Variants in PDE7B observed in about 807,000 individuals in gnomAD.
The protein encoded by PDE7B is 3',5'-cyclic-AMP phosphodiesterase 7B.
Under a neutral mutation model 56.2 loss-of-function variants are expected in PDE7B, and 29 were observed. That is an observed-to-expected ratio of 0.52 (90% CI 0.38 to 0.70). The LOEUF is 0.70. Among genes scored for constraint, PDE7B ranks in the 30% least tolerant of loss-of-function variants. PDE7B has a pLI of 0.00. For synonymous variants in PDE7B, 197 were observed against 196.9 expected (o/e 1.00, Z 0.00); for missense variants, 490 against 565.0 (o/e 0.87, Z 1.35).
intron 2 of PDE7B, among the ~76,000 whole-genome samples, chr6:136,019,197 C>T (rs1475430589): frequency 1.3e-5 from 2 of 151,988 alleles, no homozygotes; most frequent in African/African-American, 4.8e-5. Context: ...ATTGTTCAAC[C>T]AAGCAAGATT....
At chr6:136,025,405 G>A (rs1404094866) in intron 2 of PDE7B, among the ~76,000 whole-genome samples, 7 of 152,150 alleles carry the variant, frequency 4.6e-5, no homozygotes, top group Non-Finnish European at 1.0e-4. Context: ...AGGTTTAGTA[G>A]GTCAAAGATT....
intron 1 of PDE7B, among the ~76,000 whole-genome samples, chr6:135,884,580 A>G (rs1048535519): frequency 8.5e-5 from 13 of 152,146 alleles, no homozygotes; most frequent in African/African-American, 3.1e-4. Flanking sequence ...ACCAAATCCC[A>G]TAACACTTGC....
At chr6:136,191,477 G>A (rs1020212976) in intron 12 of PDE7B, 137 bp from the exon 13 acceptor site, 1 of 728,790 alleles carries the variant, frequency 1.4e-6, no homozygotes, top group Admixed American at 2.4e-5. Context: ...GGCCAACCTG[G>A]CCAACATGGG....
intron 2 of PDE7B, among the ~76,000 whole-genome samples, chr6:135,962,777 CCT>C (rs1774929176): frequency 6.6e-6 from 1 of 152,142 alleles, no homozygotes; most frequent in South Asian, 2.1e-4. Context: ...TTTTATTAAA[CCT>C]CTCTCACAAA....
intron 3 of PDE7B, among the ~76,000 whole-genome samples, chr6:136,138,148 A>C (rs1326187704): frequency 6.6e-6 from 1 of 152,138 alleles, no homozygotes; most frequent in African/African-American, 2.4e-5. Context: ...CACTGTTAAC[A>C]TTCCCCAGAT....
At chr6:135,882,468 C>G (rs1031360283) in intron 1 of PDE7B, among the ~76,000 whole-genome samples, 6 of 152,120 alleles carry the variant, frequency 3.9e-5, no homozygotes, top group Non-Finnish European at 7.4e-5. Context: ...TCAGTTTGAA[C>G]ATTCTCACTT....
intron 1 of PDE7B, among the ~76,000 whole-genome samples, chr6:135,916,074 A>G (rs945632940): frequency 6.6e-6 from 1 of 152,210 alleles, no homozygotes; most frequent in Non-Finnish European, 1.5e-5. Context: ...TAGCTGGGGC[A>G]GAACTACACA....
intron 2 of PDE7B, among the ~76,000 whole-genome samples, chr6:135,995,230 G>A (rs972108778): frequency 5.9e-5 from 8 of 136,380 alleles, no homozygotes; most frequent in African/African-American, 2.3e-4. Context: ...CCATACATAT[G>A]TACCACCGCT....
Position 136,142,543 on chromosome 6 carries a change from C to T in PDE7B, c.167-4808C>T, listed in dbSNP as rs143905692. ...TTCTGTCTCGCTGATCTAATGTTGA[C>T]AGTGGGGTGTTAAAGTCTCCCATTA... On this transcript the variant is annotated intron_variant, in intron 3 of 12. Coordinates refer to ENST00000308191, the MANE Select transcript of PDE7B (RefSeq NM_018945.4). Among the ~76,000 whole-genome samples, 1,096 of 152,142 alleles carry T rather than the reference C, an allele frequency of 7.2e-3. 3 individuals are homozygous for T. The highest frequency in any genetic ancestry group is 0.011 in the Non-Finnish European group (762 of 67,994).
chr6:136,119,544 G>A (rs1459588680), intron 3 of PDE7B, among the ~76,000 whole-genome samples: 6 of 152,134 alleles, frequency 3.9e-5, no homozygotes, highest in Non-Finnish European at 8.8e-5. Flanking sequence ...GTGAAGTTGG[G>A]TGTTTCTCAA....
intron 2 of PDE7B, among the ~76,000 whole-genome samples, chr6:136,077,722 G>A (rs192384978): frequency 6.6e-6 from 1 of 152,146 alleles, no homozygotes; most frequent in African/African-American, 2.4e-5. Context: ...TTATGGTATT[G>A]TATAATATTC....
At chr6:135,990,001 A>T (rs1775451169) in intron 2 of PDE7B, among the ~76,000 whole-genome samples, 2 of 152,168 alleles carry the variant, frequency 1.3e-5, no homozygotes, top group African/African-American at 4.8e-5. Flanking sequence ...AAATATGTGG[A>T]TAATATGGAT....
intron 3 of PDE7B, among the ~76,000 whole-genome samples, chr6:136,135,829 C>T (rs1379000102): frequency 3.9e-5 from 6 of 152,020 alleles, no homozygotes; most frequent in East Asian, 1.9e-4. Flanking sequence ...GAAAGTGAAT[C>T]GAAGTGTTTA....
intron 2 of PDE7B, among the ~76,000 whole-genome samples, chr6:135,973,402 T>C (rs555979381): frequency 9.3e-5 from 14 of 151,250 alleles, no homozygotes; most frequent in Admixed American, 8.5e-4. Context: ...TGTTTCCATA[T>C]CTTGGCTATT....
At chr6:136,123,251 C>CG (rs1178497299) in intron 3 of PDE7B, among the ~76,000 whole-genome samples, 11 of 152,010 alleles carry the variant, frequency 7.2e-5, no homozygotes, top group Admixed American at 2.0e-4. Context: ...CCTAGCTACT[C>CG]GGGGGGCTGA....
chr6:135,990,268 G>T (rs1775457845), intron 2 of PDE7B, among the ~76,000 whole-genome samples: 1 of 152,066 alleles, frequency 6.6e-6, no homozygotes, highest in East Asian at 1.9e-4. Flanking sequence ...GCTAATTTTG[G>T]TATTTTTAGT....
At chr6:136,073,535 T>A (rs189133133) in intron 2 of PDE7B, among the ~76,000 whole-genome samples, 3 of 152,266 alleles carry the variant, frequency 2.0e-5, no homozygotes, top group Non-Finnish European at 4.4e-5. Flanking sequence ...AGATGTCACT[T>A]CTATGGTCTT....
At chr6:135,865,319 C>G (rs1160845141) in intron 1 of PDE7B, among the ~76,000 whole-genome samples, 1 of 151,844 alleles carries the variant, frequency 6.6e-6, no homozygotes, top group Admixed American at 6.6e-5. Flanking sequence ...TTTTTATTTC[C>G]CTAAGTCTTT....
At chr6:136,109,693 C>T (rs1034483620) in intron 3 of PDE7B, among the ~76,000 whole-genome samples, 3 of 152,166 alleles carry the variant, frequency 2.0e-5, no homozygotes, top group African/African-American at 7.2e-5. Context: ...TTTGCTCAAC[C>T]TTTGGTCCAC....
Sources: gnomAD v4.1 joint callset for allele counts (sites outside exome capture counted in the v4.1 genomes callset) on GRCh38, gnomAD v4.1.1 for gene constraint, MANE v1.5 for transcripts, NCBI Gene and HGNC (gene_info 2026-07-23, HGNC 2026-07-21) for gene names.